SYT9: variants seen among roughly 807,000 people sequenced by gnomAD.
The protein encoded by SYT9 is synaptotagmin 9, also known as synaptotagmin-9.
A neutral mutation model predicts 48.4 loss-of-function variants in SYT9; 22 were observed. That is an observed-to-expected ratio of 0.45 (90% CI 0.32 to 0.65). The LOEUF (loss-of-function observed/expected upper bound fraction) is 0.65. Ranked by LOEUF, SYT9 falls within the 30% of genes least tolerant of loss-of-function variation. The probability of loss-of-function intolerance (pLI) is 0.03; values close to 1 mark genes in which losing one functional copy is unlikely to be tolerated. For missense variants in SYT9, 577 were observed against 622.0 expected (o/e 0.93, Z 0.77); for synonymous variants, 265 against 245.0 (o/e 1.08, Z -0.76).
At chr11:7,363,024 GCTCCATTATACCTTTCTTTTGCT>G (rs138551567) in intron 3 of SYT9, among the ~76,000 whole-genome samples, 35,571 of 127,924 alleles carry the variant, frequency 0.28, 5,473 homozygotes, top group East Asian at 0.65. Context: ...ACTTGGGACA[GCTCCATTATACCTTTCTTTTGCT>G]CTTCTCAAAC....
chr11:7,282,416 CA>C (rs1429293530), intron 1 of SYT9, among the ~76,000 whole-genome samples: 6 of 151,254 alleles, frequency 4.0e-5, no homozygotes, highest in Non-Finnish European at 8.9e-5. Flanking sequence ...TGGCTCAGGG[CA>C]AAAAAAATGG....
chr11:7,419,877 C>T (rs1429114064), intron 5 of SYT9, among the ~76,000 whole-genome samples: 2 of 152,052 alleles, frequency 1.3e-5, no homozygotes, highest in South Asian at 4.1e-4. Context: ...GCGTGGGTGA[C>T]AGAGTGAGAC....
At chr11:7,422,711 GA>G (rs1429532730) in intron 6 of SYT9, among the ~76,000 whole-genome samples, 1 of 152,214 alleles carries the variant, frequency 6.6e-6, no homozygotes, top group Non-Finnish European at 1.5e-5. Flanking sequence ...GTAGGGCTGA[GA>G]GGTGAGCCCT....
Position 7,340,680 on chromosome 11 carries a change from G to T in SYT9, c.1044+26739G>T, listed in dbSNP as rs558604671. ...TACTGGAGGTCTGGACAAGCCCCTG[G>T]TGCCTGCAGACTCTCTAGAGCCTGG... is the stretch of plus-strand genomic sequence containing the variant. On this transcript the variant is annotated intron_variant, in intron 3 of 6. Transcript: ENST00000318881. Among the ~76,000 whole-genome samples, 332 of 152,288 alleles carry T rather than the reference G, an allele frequency of 2.2e-3. 2 individuals are homozygous for T. Among genetic ancestry groups the T allele is most frequent in the Admixed American group, 2.3e-3 (35 of 15,294 alleles).
intron 3 of SYT9, among the ~76,000 whole-genome samples, chr11:7,318,228 T>G (rs919647950): frequency 6.6e-6 from 1 of 152,366 alleles, no homozygotes; most frequent in African/African-American, 2.4e-5. Flanking sequence ...TTATCTTCTC[T>G]AAAATTTCAT....
intron 6 of SYT9, among the ~76,000 whole-genome samples, chr11:7,422,536 G>C (rs535381081): frequency 1.2e-4 from 18 of 151,740 alleles, no homozygotes; most frequent in Non-Finnish European, 2.2e-4. Flanking sequence ...TTGGGGGCCT[G>C]TCACTAGCAG....
At chr11:7,361,488 A>G (rs1335336506) in intron 3 of SYT9, among the ~76,000 whole-genome samples, 1 of 152,190 alleles carries the variant, frequency 6.6e-6, no homozygotes, top group Non-Finnish European at 1.5e-5. Context: ...TTCCTTAAAA[A>G]AATTATTCTC....
intron 3 of SYT9, among the ~76,000 whole-genome samples, chr11:7,367,890 A>C (rs1013669372): frequency 6.6e-6 from 1 of 152,234 alleles, no homozygotes; most frequent in Admixed American, 6.5e-5. Context: ...CTAAGTTAAC[A>C]CTAACCATTT....
intron 3 of SYT9, among the ~76,000 whole-genome samples, chr11:7,398,007 T>C (rs1046284684): frequency 4.6e-5 from 7 of 152,212 alleles, no homozygotes; most frequent in African/African-American, 1.7e-4. Context: ...CAGTACAATA[T>C]TGAACAGAAG....
At chr11:7,378,996 C>T (rs992934249) in intron 3 of SYT9, among the ~76,000 whole-genome samples, 3 of 152,136 alleles carry the variant, frequency 2.0e-5, no homozygotes, top group African/African-American at 7.2e-5. Context: ...CTTTGATATT[C>T]CCACAGCTTT....
intron 1 of SYT9, among the ~76,000 whole-genome samples, chr11:7,272,466 C>T (rs1338655980): frequency 6.6e-6 from 1 of 152,024 alleles, no homozygotes; most frequent in Non-Finnish European, 1.5e-5. Context: ...TTTTATCCTC[C>T]AGACTTTTTA....
At chr11:7,372,790 CT>C (rs1055713825) in intron 3 of SYT9, among the ~76,000 whole-genome samples, 1 of 152,064 alleles carries the variant, frequency 6.6e-6, no homozygotes, top group African/African-American at 2.4e-5. Flanking sequence ...ATATTTGCTT[CT>C]CTTTTGCTGT....
Position 7,313,537 on chromosome 11 carries a change from AGACG to A in SYT9, c.643_646del (p.Arg215ValfsTer9), listed in dbSNP as rs1230588418. On this transcript the variant is annotated frameshift_variant, in exon 3 of 7. Coordinates refer to ENST00000318881, the MANE Select transcript of SYT9 (RefSeq NM_175733.4). LOFTEE classifies it high-confidence loss of function. ...GAGGTCATTGGATAATGATGACGGG[AGACG>A]GAGTAACAGCAAGGCTTGTGGGAAA... The A allele has an allele frequency of 6.2e-7, 1 of 1,614,046 alleles. No homozygotes were observed. Among genetic ancestry groups the A allele is most frequent in the African/African-American group, 1.3e-5 (1 of 74,932 alleles).
intron 3 of SYT9, among the ~76,000 whole-genome samples, chr11:7,394,111 C>A (rs28454260): frequency 6.6e-6 from 1 of 151,848 alleles, no homozygotes; most frequent in Non-Finnish European, 1.5e-5. Flanking sequence ...TCCCTCCCCC[C>A]TTCCCCCACC....
intron 1 of SYT9, among the ~76,000 whole-genome samples, chr11:7,271,173 A>G (rs1459559704): frequency 6.6e-6 from 1 of 152,172 alleles, no homozygotes; most frequent in Non-Finnish European, 1.5e-5. Flanking sequence ...TTTTCAATAT[A>G]AAATAATATA....
At chr11:7,362,773 T>G (rs1850168409) in intron 3 of SYT9, among the ~76,000 whole-genome samples, 1 of 152,130 alleles carries the variant, frequency 6.6e-6, no homozygotes, top group African/African-American at 2.4e-5. Flanking sequence ...GTAAATAACA[T>G]AGAACTAGAT....
At chr11:7,440,574 A>G (rs1847812408) in intron 6 of SYT9, 1 of 152,246 alleles carries the variant, frequency 6.6e-6, no homozygotes, top group Non-Finnish European at 1.5e-5. Context: ...ACGTTCCACC[A>G]GAAGTGAACA....
chr11:7,397,870 A>G (rs1846787442), intron 3 of SYT9, among the ~76,000 whole-genome samples: 1 of 152,166 alleles, frequency 6.6e-6, no homozygotes. Flanking sequence ...TATTTGTTTT[A>G]GTAGCATTAT....
At chr11:7,370,299 A>G (rs771936390) in intron 3 of SYT9, among the ~76,000 whole-genome samples, 1 of 152,098 alleles carries the variant, frequency 6.6e-6, no homozygotes, top group African/African-American at 2.4e-5. Context: ...TTCTAGCAGT[A>G]TTTTCGTCTT....
Sources: allele counts gnomAD v4.1 joint callset (sites outside exome capture counted in the v4.1 genomes callset), GRCh38; gene constraint gnomAD v4.1.1; transcripts MANE v1.5; gene names NCBI Gene and HGNC (gene_info 2026-07-23, HGNC 2026-07-21).